Variants in NKAIN2 observed in about 807,000 individuals in gnomAD.
NKAIN2 encodes sodium/potassium transporting ATPase interacting 2, also known as sodium/potassium-transporting ATPase subunit beta-1-interacting protein 2.
Under a neutral mutation model 32.6 loss-of-function variants are expected in NKAIN2, and 14 were observed. That is an observed-to-expected ratio of 0.43 (90% CI 0.28 to 0.67). The LOEUF is 0.67. Among genes scored for constraint, NKAIN2 ranks in the 30% least tolerant of loss-of-function variants. NKAIN2 has a pLI of 0.17. For synonymous variants in NKAIN2, 80 were observed against 87.2 expected (o/e 0.92, Z 0.46); for missense variants, 198 against 258.3 (o/e 0.77, Z 1.60).
intron 3 of NKAIN2, among the ~76,000 whole-genome samples, chr6:124,374,538 C>T (rs1799901419): frequency 6.6e-6 from 1 of 152,066 alleles, no homozygotes; most frequent in South Asian, 2.1e-4. Context: ...TCTTTTGAAC[C>T]AATTAAGGAA....
chr6:124,703,730 T>G (rs527488385), intron 4 of NKAIN2, among the ~76,000 whole-genome samples: 1 of 152,110 alleles, frequency 6.6e-6, no homozygotes, highest in African/African-American at 2.4e-5. Flanking sequence ...GACATATCTG[T>G]TAGGAAATAA....
intron 4 of NKAIN2, among the ~76,000 whole-genome samples, chr6:124,772,786 G>GA (rs1778818561): frequency 2.0e-5 from 3 of 152,082 alleles, no homozygotes; most frequent in South Asian, 4.1e-4. Flanking sequence ...TTCTGTTAAC[G>GA]AAAAAACTCA....
intron 3 of NKAIN2, among the ~76,000 whole-genome samples, chr6:124,455,589 C>G (rs1048551906): frequency 1.3e-5 from 2 of 151,808 alleles, no homozygotes; most frequent in East Asian, 1.9e-4. Flanking sequence ...TTTTTAGTCT[C>G]TTTGGTTTGA....
At chr6:124,185,980 G>T (rs545779561) in intron 1 of NKAIN2, among the ~76,000 whole-genome samples, 1 of 151,370 alleles carries the variant, frequency 6.6e-6, no homozygotes, top group Admixed American at 6.6e-5. Context: ...CCCAAAATAG[G>T]AACCGTAGAA....
intron 1 of NKAIN2, among the ~76,000 whole-genome samples, chr6:123,822,830 A>G (rs1165405278): frequency 1.3e-5 from 2 of 152,210 alleles, no homozygotes; most frequent in Non-Finnish European, 2.9e-5. Flanking sequence ...TATTTACTTC[A>G]GAGAGCTGTT....
chr6:124,152,037 T>A lies in NKAIN2; in HGVS notation c.55-130968T>A, dbSNP rs1161305872. Among the ~76,000 whole-genome samples the A allele has an allele frequency of 2.6e-5, 4 of 152,082 alleles. No homozygotes were observed. In the East Asian group the frequency reaches 7.7e-4, roughly 29 times the overall value. On this transcript the variant is annotated intron_variant, in intron 1 of 6. Transcript: ENST00000368417. ...GTTTATAAAATCCTTGCTTTCTCAA[T>A]GCCATGGAGATAGTTTCCTATATTT...
intron 3 of NKAIN2, among the ~76,000 whole-genome samples, chr6:124,437,073 T>C (rs1450517596): frequency 6.6e-6 from 1 of 152,160 alleles, no homozygotes; most frequent in Non-Finnish European, 1.5e-5. Flanking sequence ...GTCAAATGTC[T>C]TTTTTGTGAC....
chr6:124,504,648 A>AACATTGAATTGAAGT (rs1450510004), intron 3 of NKAIN2, among the ~76,000 whole-genome samples: 1 of 152,214 alleles, frequency 6.6e-6, no homozygotes, highest in Non-Finnish European at 1.5e-5. Context: ...TAGAATAGAA[A>AACATTGAATTGAAGT]ACATTGAATT....
chr6:124,581,464 A>AAAAAAAG (rs1562267907), intron 3 of NKAIN2, among the ~76,000 whole-genome samples: 46 of 147,908 alleles, frequency 3.1e-4, no homozygotes, highest in Middle Eastern at 3.5e-3. Context: ...AAAAAAAAAA[A>AAAAAAAG]AAAAAAGAAA....
chr6:124,700,898 ACTCT>A (rs796272625), intron 4 of NKAIN2, among the ~76,000 whole-genome samples: 3 of 148,576 alleles, frequency 2.0e-5, no homozygotes, highest in South Asian at 4.3e-4. Flanking sequence ...ACACACACAC[ACTCT>A]CTCATCATGA....
At chr6:124,409,259 C>G (rs954674336) in intron 3 of NKAIN2, among the ~76,000 whole-genome samples, 1 of 152,124 alleles carries the variant, frequency 6.6e-6, no homozygotes, top group Non-Finnish European at 1.5e-5. Flanking sequence ...AGAGGGCATC[C>G]CTGTCTTGTG....
intron 1 of NKAIN2, among the ~76,000 whole-genome samples, chr6:123,932,664 G>A (rs940243809): frequency 1.1e-4 from 16 of 151,726 alleles, no homozygotes; most frequent in African/African-American, 2.4e-4. Flanking sequence ...TGATCTGCCC[G>A]CCTCGGCCTC....
intron 1 of NKAIN2, among the ~76,000 whole-genome samples, chr6:123,987,520 T>C (rs1356598271): frequency 6.6e-6 from 1 of 152,192 alleles, no homozygotes; most frequent in Non-Finnish European, 1.5e-5. Flanking sequence ...TTCTGCTCAG[T>C]GTCTTACAAG....
intron 5 of NKAIN2, among the ~76,000 whole-genome samples, chr6:124,796,469 C>T (rs915740159): frequency 3.3e-5 from 5 of 152,132 alleles, no homozygotes; most frequent in Non-Finnish European, 5.9e-5. Flanking sequence ...ACACACTCCA[C>T]GTGTGTCCTG....
At chr6:124,731,238 G>T (rs1455739199) in intron 4 of NKAIN2, among the ~76,000 whole-genome samples, 14 of 134,868 alleles carry the variant, frequency 1.0e-4, no homozygotes, top group Admixed American at 6.2e-4. Context: ...TATAAATCAT[G>T]CTGCTATAAA....
intron 1 of NKAIN2, among the ~76,000 whole-genome samples, chr6:124,076,206 A>T (rs970668100): frequency 6.6e-6 from 1 of 152,182 alleles, no homozygotes; most frequent in Admixed American, 6.6e-5. Context: ...AACTGAGGAG[A>T]TGAGAAGAGA....
intron 4 of NKAIN2, among the ~76,000 whole-genome samples, chr6:124,660,404 C>T (rs1784704332): frequency 6.6e-6 from 1 of 152,106 alleles, no homozygotes; most frequent in Non-Finnish European, 1.5e-5. Flanking sequence ...TAAAAAAATA[C>T]ATTTGGACGT....
At chr6:124,263,406 C>T (rs931924479) in intron 1 of NKAIN2, among the ~76,000 whole-genome samples, 8 of 152,142 alleles carry the variant, frequency 5.3e-5, no homozygotes, top group Non-Finnish European at 8.8e-5. Flanking sequence ...TGAGACTATA[C>T]AGCAGAAAAG....
At chr6:123,827,033 T>C (rs566529701) in intron 1 of NKAIN2, among the ~76,000 whole-genome samples, 2 of 152,292 alleles carry the variant, frequency 1.3e-5, no homozygotes, top group South Asian at 4.1e-4. Context: ...ATAATAGTCA[T>C]CCTAAAGTAT....
Sources: allele counts gnomAD v4.1 joint callset (sites outside exome capture counted in the v4.1 genomes callset), GRCh38; gene constraint gnomAD v4.1.1; transcripts MANE v1.5; gene names NCBI Gene and HGNC (gene_info 2026-07-23, HGNC 2026-07-21).